Variants in RPRD2 observed in about 807,000 individuals in gnomAD.
RPRD2 encodes regulation of nuclear pre-mRNA domain-containing protein 2.
RPRD2 carries 12 observed loss-of-function variants against 104.4 expected under a neutral mutation model. The observed-to-expected ratio is 0.11, with a 90% CI of 0.07 to 0.19. The LOEUF is 0.19. Ranked by LOEUF, RPRD2 falls within the 10% of genes least tolerant of loss-of-function variation. The probability of loss-of-function intolerance (pLI) is 1.00; values close to 1 mark genes in which losing one functional copy is unlikely to be tolerated. For missense variants in RPRD2, 1,543 were observed against 1,790.1 expected (o/e 0.86, Z 2.49); for synonymous variants, 714 against 684.9 (o/e 1.04, Z -0.66).
chr1:150,415,811 AC>A (rs1407631260), intron 1 of RPRD2, among the ~76,000 whole-genome samples: 7 of 152,254 alleles, frequency 4.6e-5, no homozygotes, highest in Admixed American at 4.6e-4. Flanking sequence ...GATGCTTTTT[AC>A]TAGGTAAATT....
chr1:150,397,807 C>T (rs1281074791), intron 1 of RPRD2, among the ~76,000 whole-genome samples: 9 of 151,970 alleles, frequency 5.9e-5, no homozygotes, highest in East Asian at 1.9e-4. Context: ...AGTGTAGTGG[C>T]GCCATCTCCG....
intron 1 of RPRD2, among the ~76,000 whole-genome samples, chr1:150,383,364 C>T (rs71508894): frequency 7.1e-6 from 1 of 140,026 alleles, no homozygotes; most frequent in Non-Finnish European, 1.5e-5. Flanking sequence ...GGCTGGAGTG[C>T]AGTGCAGTGG....
chr1:150,431,497 T>TTTTTTTTTTTTTTTTTTTTTTTTTTAGG, intron 2 of RPRD2, among the ~76,000 whole-genome samples: 1 of 94,646 alleles, frequency 1.1e-5, no homozygotes, highest in African/African-American at 4.2e-5. Context: ...TTTTTTTTTT[T>TTTTTTTTTTTTTTTTTTTTTTTTTTAGG]GAGACGGGGT....
intron 1 of RPRD2, among the ~76,000 whole-genome samples, chr1:150,411,185 C>G (rs1162909097): frequency 1.3e-5 from 2 of 152,098 alleles, no homozygotes; most frequent in African/African-American, 2.4e-5. Flanking sequence ...ATAGGCGGGG[C>G]GCAGTGGCTC....
At chr1:150,399,418 G>A (rs1181890298) in intron 1 of RPRD2, among the ~76,000 whole-genome samples, 6 of 152,150 alleles carry the variant, frequency 3.9e-5, no homozygotes, top group Admixed American at 1.3e-4. Flanking sequence ...TGAGAAGCCA[G>A]TCCTTTCATC....
At chr1:150,371,350 CA>C (rs1660284342) in intron 1 of RPRD2, among the ~76,000 whole-genome samples, 1 of 152,160 alleles carries the variant, frequency 6.6e-6, no homozygotes, top group African/African-American at 2.4e-5. Context: ...AACAGAGGCA[CA>C]AAGAGGTTTT....
At chr1:150,368,167 C>T (rs1018746718) in intron 1 of RPRD2, among the ~76,000 whole-genome samples, 1 of 148,336 alleles carries the variant, frequency 6.7e-6, no homozygotes, top group South Asian at 2.1e-4. Flanking sequence ...TCAACTATTA[C>T]CTCCTCAGAA....
Position 150,470,691 on chromosome 1 carries a change from T to G in RPRD2, c.1743T>G (p.Ser581Arg), listed in dbSNP as rs1668529042. The G allele has an allele frequency of 2.5e-6, 4 of 1,613,924 alleles. No homozygotes were observed. Among genetic ancestry groups the G allele is most frequent in the Non-Finnish European group, 3.4e-6 (4 of 1,179,898 alleles). The change falls in exon 11 of 11, where the codon AGT becomes AGG. Residue 581 changes from serine (S) to arginine (R), a missense_variant. Ser to Arg is a moderately radical substitution (Grantham distance 110). Coordinates refer to ENST00000369068, the MANE Select transcript of RPRD2 (RefSeq NM_015203.5). Reference protein sequence around the residue: ...STIKGRNLPSSAQPFIPKSFN... With the variant: ...STIKGRNLPSRAQPFIPKSFN... Reference sequence around the variant, plus strand: ...TAAAGGGAAGAAATCTGCCCTCCAGTGCCCAACCTTTTATTCCCAAAAGCT... The same window carrying G: ...TAAAGGGAAGAAATCTGCCCTCCAGGGCCCAACCTTTTATTCCCAAAAGCT...
At chr1:150,454,505 A>G (rs1296523453) in intron 7 of RPRD2, among the ~76,000 whole-genome samples, 1 of 152,164 alleles carries the variant, frequency 6.6e-6, no homozygotes, top group African/African-American at 2.4e-5. Flanking sequence ...CTACTGAGTT[A>G]TATCAAAAGC....
At chr1:150,452,661 CTTTTTTTTTTTTT>C (rs782322743) in intron 7 of RPRD2, among the ~76,000 whole-genome samples, 1 of 71,220 alleles carries the variant, frequency 1.4e-5, no homozygotes, top group African/African-American at 5.7e-5. Context: ...GACATATCCC[CTTTTTTTTTTTTT>C]TTTTTTTTTT....
intron 1 of RPRD2, among the ~76,000 whole-genome samples, chr1:150,367,954 C>T (rs1174224981): frequency 6.6e-6 from 1 of 152,052 alleles, no homozygotes; most frequent in African/African-American, 2.4e-5. Context: ...AACTCCTGAC[C>T]TCAGACCATC....
chr1:150,429,266 A>G (rs903797785), intron 2 of RPRD2, among the ~76,000 whole-genome samples: 6 of 152,114 alleles, frequency 3.9e-5, no homozygotes, highest in Admixed American at 3.3e-4. Flanking sequence ...CTAATTTTGT[A>G]TTTTTAGTAG....
chr1:150,425,434 A>G (rs146467568), intron 2 of RPRD2, among the ~76,000 whole-genome samples: 3,845 of 152,196 alleles, frequency 0.025, 76 homozygotes, highest in African/African-American at 0.051. Context: ...ACCTGAGGTC[A>G]GGAGTTTGAG....
At chr1:150,375,034 T>C (rs928059358) in intron 1 of RPRD2, among the ~76,000 whole-genome samples, 1 of 151,578 alleles carries the variant, frequency 6.6e-6, no homozygotes, top group Non-Finnish European at 1.5e-5. Context: ...ATTCCATTGC[T>C]CTAGGTTCAT....
At chr1:150,441,622 T>C (rs1666409463) in intron 3 of RPRD2, 1 of 326,390 alleles carries the variant, frequency 3.1e-6, no homozygotes, top group African/African-American at 2.2e-5. Context: ...CATTTTAATT[T>C]GTTAATTGGT....
rs1026538926 is a variant in RPRD2, at chr1:150,408,607, A to G, written c.206-8989A>G. On this transcript the variant is annotated intron_variant, in intron 1 of 10. Coordinates refer to ENST00000369068, the MANE Select transcript of RPRD2 (RefSeq NM_015203.5). Reference sequence around the variant, plus strand: ...ATATAATATGGATGTACCTTTACATATACATTTAAATAGTGTTTTACATAA... The same window carrying G: ...ATATAATATGGATGTACCTTTACATGTACATTTAAATAGTGTTTTACATAA... 3.9e-5 allele frequency among the ~76,000 whole-genome samples: 6 copies of G among 152,178 alleles called. No homozygotes were observed. The East Asian group carries it at 5.8e-4, about 15-fold the overall frequency.
chr1:150,372,553 G>T (rs1470088253), intron 1 of RPRD2, among the ~76,000 whole-genome samples: 1 of 151,470 alleles, frequency 6.6e-6, no homozygotes, highest in Non-Finnish European at 1.5e-5. Flanking sequence ...AGGGGAGACA[G>T]ACAGCAAACA....
chr1:150,423,354 T>G (rs72696873), intron 2 of RPRD2, among the ~76,000 whole-genome samples: 12,472 of 152,240 alleles, frequency 0.082, 676 homozygotes, highest in Non-Finnish European at 0.12. Flanking sequence ...GCTTGTATTG[T>G]GTCAGGATGG....
intron 1 of RPRD2, among the ~76,000 whole-genome samples, chr1:150,403,112 A>T (rs1553885751): frequency 6.6e-6 from 1 of 152,162 alleles, no homozygotes; most frequent in Non-Finnish European, 1.5e-5. Flanking sequence ...AAATGTACCA[A>T]CCTAAGTATA....
Sources: allele counts gnomAD v4.1 joint callset (sites outside exome capture counted in the v4.1 genomes callset), GRCh38; gene constraint gnomAD v4.1.1; transcripts MANE v1.5; gene names NCBI Gene and HGNC (gene_info 2026-07-23, HGNC 2026-07-21).